TANGO2: variants seen among roughly 807,000 people sequenced by gnomAD.
TANGO2 encodes transport and golgi organization 2 homolog, also known as transport and Golgi organization protein 2 homolog.
A neutral mutation model predicts 39.1 loss-of-function variants in TANGO2; 26 were observed. The ratio of observed to expected loss-of-function variants is 0.67; its 90% CI spans 0.49 to 0.92. The LOEUF (loss-of-function observed/expected upper bound fraction) is 0.92, where lower values mean the gene tolerates loss of function less well. Among genes scored for constraint, TANGO2 ranks in the 40% least tolerant of loss-of-function variants. The probability of loss-of-function intolerance (pLI) is 0.00; values close to 1 mark genes in which losing one functional copy is unlikely to be tolerated. For missense variants in TANGO2, 326 were observed against 360.1 expected (o/e 0.91, Z 0.77); for synonymous variants, 131 against 144.5 (o/e 0.91, Z 0.67).
intron 3 of TANGO2, among the ~76,000 whole-genome samples, chr22:20,046,406 C>T (rs990908565): frequency 4.0e-5 from 6 of 151,734 alleles, no homozygotes; most frequent in Non-Finnish European, 8.8e-5. Flanking sequence ...TCTTGGCCTC[C>T]GAAAGTGCTG....
chr22:20,032,406 C>T (rs1365775238), intron 1 of TANGO2, among the ~76,000 whole-genome samples: 1 of 152,260 alleles, frequency 6.6e-6, no homozygotes, highest in Non-Finnish European at 1.5e-5. Context: ...TGGCTTCCTG[C>T]AGATGTTCAG....
chr22:20,052,699 G>A, intron 4 of TANGO2, 115 bp downstream of exon 4: 1 of 1,342,264 alleles, frequency 7.5e-7, no homozygotes. Context: ...GAGTGGGGCG[G>A]GCCAAGGTAG....
chr22:20,033,474 T>C (rs1160098673), intron 1 of TANGO2, among the ~76,000 whole-genome samples: 2 of 152,240 alleles, frequency 1.3e-5, no homozygotes, highest in African/African-American at 4.8e-5. Flanking sequence ...ATCCATGGCC[T>C]TGCCAGCAGC....
chr22:20,048,773 A>G (rs2045743810), intron 3 of TANGO2, among the ~76,000 whole-genome samples: 2 of 151,942 alleles, frequency 1.3e-5, no homozygotes, highest in Admixed American at 1.3e-4. Context: ...CAGCCTCCTG[A>G]GTAGCTGGGA....
upstream of TANGO2, chr22:20,017,260 G>A (rs1945252986): frequency 6.6e-6 from 1 of 152,328 alleles, no homozygotes; most frequent in Non-Finnish European, 1.5e-5. Context: ...ACATCGAATT[G>A]TATTCTTCAC....
rs1371884799 is a variant in TANGO2 at position 20,029,000 on chromosome 22, C to T, written c.-40+7754C>T. ...ATCAGGGTGCCAGACCTTGTCCCCA[C>T]GCAGCCCTGGCTGGGGTCACTGCTG... On this transcript the variant is annotated intron_variant, in intron 1 of 8. Transcript: ENST00000327374. Among the ~76,000 whole-genome samples the T allele has an allele frequency of 1.1e-4, 16 of 152,254 alleles. No homozygotes were observed. In the East Asian group the frequency reaches 1.2e-3, roughly 11 times the overall value.
chr22:20,053,380 C>CT, intron 4 of TANGO2, 57 bp from the exon 5 acceptor site: 1 of 1,292,600 alleles, frequency 7.7e-7, no homozygotes, highest in South Asian at 1.2e-5. Context: ...ATCAGTGTTC[C>CT]TGGGAGAAGA....
intron 6 of TANGO2, among the ~76,000 whole-genome samples, chr22:20,060,803 A>G (rs2048252845): frequency 6.6e-6 from 1 of 152,076 alleles, no homozygotes; most frequent in South Asian, 2.1e-4. Flanking sequence ...TCCCTGGTGC[A>G]TCATTTGGGG....
In TANGO2 at chr22:20,066,237, G is replaced by C. The variant is rs1009914455; in HGVS notation, c.*1575G>C. 1 of 153,384 alleles carries C rather than the reference G, an allele frequency of 6.5e-6. No individual in the cohort carries two copies. Among genetic ancestry groups the C allele is most frequent in the Non-Finnish European group, 1.4e-5 (1 of 68,994 alleles). The allele number at this position is 153,384 out of a possible 1,614,324, so 9.5% of individuals were successfully genotyped here. A position where few individuals can be genotyped will look rare whatever the true frequency, so the allele number is the denominator to read the frequency against. On this transcript the variant is annotated 3_prime_UTR_variant, in exon 9 of 9. Coordinates refer to ENST00000327374, the MANE Select transcript of TANGO2 (RefSeq NM_152906.7). ...GACTTCTGTTGGATGATGGGGGCCA[G>C]GGGATGGTAGGAGGGGCAGGAGAGC...
At chr22:20,054,585 T>A (rs2047005382) in intron 5 of TANGO2, 1 of 152,292 alleles carries the variant, frequency 6.6e-6, no homozygotes, top group Admixed American at 6.5e-5. Context: ...CCTGTGCAAC[T>A]CTCCCGGCTC....
At chr22:20,034,857 T>A (rs566627313) in intron 1 of TANGO2, among the ~76,000 whole-genome samples, 2 of 152,362 alleles carry the variant, frequency 1.3e-5, no homozygotes, top group African/African-American at 4.8e-5. Context: ...CTGTCCTCTG[T>A]GGGCCACGCT....
At chr22:20,027,632 G>A (rs1191460503) in intron 1 of TANGO2, among the ~76,000 whole-genome samples, 1 of 152,002 alleles carries the variant, frequency 6.6e-6, no homozygotes, top group Middle Eastern at 3.4e-3. Context: ...TTGAGACTCA[G>A]AGTCTTGCCT....
intron 1 of TANGO2, among the ~76,000 whole-genome samples, chr22:20,022,886 A>G (rs2039986649): frequency 6.6e-6 from 1 of 152,220 alleles, no homozygotes; most frequent in Non-Finnish European, 1.5e-5. Context: ...CAGATGCATG[A>G]GAAGCAGGGC....
chr22:20,017,151 G>A (rs996124090), upstream of TANGO2: 1 of 152,284 alleles, frequency 6.6e-6, no homozygotes, highest in African/African-American at 2.4e-5. Flanking sequence ...CCCTTCCCCG[G>A]ACTCTGGCCG....
intron 3 of TANGO2, among the ~76,000 whole-genome samples, chr22:20,046,108 G>A (rs915654097): frequency 1.3e-5 from 2 of 151,692 alleles, no homozygotes; most frequent in Non-Finnish European, 2.9e-5. Flanking sequence ...GTCTTAGTTC[G>A]TTTGTGTTGC....
chr22:20,040,444 C>T (rs2043684555), intron 2 of TANGO2, among the ~76,000 whole-genome samples: 1 of 152,210 alleles, frequency 6.6e-6, no homozygotes, highest in Non-Finnish European at 1.5e-5. Context: ...TGAGGTGTCC[C>T]TGGCTCCCCC....
chr22:20,045,582 C>CA (rs1199814257), intron 3 of TANGO2, among the ~76,000 whole-genome samples: 4 of 148,304 alleles, frequency 2.7e-5, no homozygotes, highest in Non-Finnish European at 5.9e-5. Context: ...CAGCTCACCG[C>CA]AACCTCCATC....
intron 6 of TANGO2, chr22:20,056,455 C>T (rs1446685520): frequency 2.2e-6 from 1 of 459,994 alleles, no homozygotes. Context: ...ACCCAGTCCC[C>T]AGTCTGATCC....
At chr22:20,043,959 T>C (rs1182067743) in intron 3 of TANGO2, among the ~76,000 whole-genome samples, 2 of 152,168 alleles carry the variant, frequency 1.3e-5, no homozygotes, top group African/African-American at 2.4e-5. Context: ...GGTGTACTTA[T>C]AGGGCAGAAG....
Sources: allele counts gnomAD v4.1 joint callset (sites outside exome capture counted in the v4.1 genomes callset), GRCh38; gene constraint gnomAD v4.1.1; transcripts MANE v1.5; gene names NCBI Gene and HGNC (gene_info 2026-07-23, HGNC 2026-07-21).